The following TMTC2 variants were observed in gnomAD, a reference collection of about 807,000 sequenced individuals.
TMTC2 encodes the protein protein O-mannosyl-transferase TMTC2.
Under a neutral mutation model 82.4 loss-of-function variants are expected in TMTC2, and 43 were observed. The ratio of observed to expected loss-of-function variants is 0.52; its 90% CI spans 0.41 to 0.67. The LOEUF (loss-of-function observed/expected upper bound fraction) is 0.67. Ranked by LOEUF, TMTC2 falls within the 30% of genes least tolerant of loss-of-function variation. The pLI is 0.00. For missense variants in TMTC2, 919 were observed against 1,012.4 expected (o/e 0.91, Z 1.25); for synonymous variants, 408 against 381.9 (o/e 1.07, Z -0.80).
intron 4 of TMTC2, among the ~76,000 whole-genome samples, chr12:82,937,921 TA>T (rs1331214140): frequency 0.025 from 478 of 19,220 alleles, 11 homozygotes; most frequent in African/African-American, 0.04. Context: ...TTTTTTTTTT[TA>T]TTTTTTTTTT....
chr12:83,016,554 G>A (rs1251785020), intron 8 of TMTC2, among the ~76,000 whole-genome samples: 3 of 152,166 alleles, frequency 2.0e-5, no homozygotes, highest in Non-Finnish European at 4.4e-5. Context: ...GTAAGAGTAG[G>A]AATTACCCCA....
chr12:82,822,324 C>A (rs1328415334), intron 1 of TMTC2, among the ~76,000 whole-genome samples: 1 of 152,052 alleles, frequency 6.6e-6, no homozygotes, highest in East Asian at 1.9e-4. Flanking sequence ...TGTGTGACTT[C>A]AGGTTCATCA....
At chr12:82,745,949 G>C (rs1875668844) in intron 1 of TMTC2, among the ~76,000 whole-genome samples, 1 of 152,274 alleles carries the variant, frequency 6.6e-6, no homozygotes, top group South Asian at 2.1e-4. Flanking sequence ...CTTTTATCCT[G>C]CTTTTTACGT....
chr12:82,929,165 T>C (rs1431479870), intron 3 of TMTC2, among the ~76,000 whole-genome samples: 1 of 152,002 alleles, frequency 6.6e-6, no homozygotes, highest in Non-Finnish European at 1.5e-5. Context: ...GCCTCGACTC[T>C]ATGGGCTCAA....
intron 4 of TMTC2, among the ~76,000 whole-genome samples, chr12:82,948,240 C>T (rs1015079981): frequency 7.9e-5 from 12 of 151,990 alleles, no homozygotes; most frequent in African/African-American, 2.7e-4. Context: ...TGGCAAATGC[C>T]GATAGTCCCA....
At chr12:82,944,461 G>T (rs895630270) in intron 4 of TMTC2, among the ~76,000 whole-genome samples, 8 of 150,552 alleles carry the variant, frequency 5.3e-5, no homozygotes, top group African/African-American at 2.0e-4. Flanking sequence ...GCGGGCACCA[G>T]TAGTCCCAGC....
chr12:82,976,210 T>G, intron 7 of TMTC2, among the ~76,000 whole-genome samples: 1 of 152,152 alleles, frequency 6.6e-6, no homozygotes, highest in East Asian at 1.9e-4. Flanking sequence ...TAAAGGAAAT[T>G]GATTAGCCCG....
At chr12:82,922,703 A>G (rs1019427238) in intron 3 of TMTC2, among the ~76,000 whole-genome samples, 26 of 152,134 alleles carry the variant, frequency 1.7e-4, no homozygotes, top group African/African-American at 6.3e-4. Context: ...TTTAATTGTA[A>G]TATACACTAT....
At chr12:82,742,935 G>A (rs1295940631) in intron 1 of TMTC2, among the ~76,000 whole-genome samples, 1 of 152,126 alleles carries the variant, frequency 6.6e-6, no homozygotes, top group Non-Finnish European at 1.5e-5. Flanking sequence ...CCACTCTAGT[G>A]CATCATGATT....
chr12:83,096,242 C>G (rs1411448327), intron 11 of TMTC2, among the ~76,000 whole-genome samples: 2 of 152,222 alleles, frequency 1.3e-5, no homozygotes, highest in Non-Finnish European at 2.9e-5. Flanking sequence ...AAATATGAAG[C>G]TACCAGTGAA....
rs1871320523 is a variant in TMTC2 at position 82,857,468 on chromosome 12, G to A, written c.542G>A (p.Cys181Tyr). Residue 181 changes from cysteine (C) to tyrosine (Y), a missense_variant, in exon 2 of 12, where the codon TGC (cysteine) becomes TAC (tyrosine). By Grantham distance (194) the Cys-to-Tyr change is radical (BLOSUM62 -2). Coordinates refer to ENST00000321196, the MANE Select transcript of TMTC2 (RefSeq NM_152588.3). ...CTGGGGTCAGGACTGTGCGCAGGATGCAGCATGTTGTGGAAGGAACAAGGA... is the reference window on the plus strand; with the variant it reads ...CTGGGGTCAGGACTGTGCGCAGGATACAGCATGTTGTGGAAGGAACAAGGA... ...WFLGSGLCAG[C>Y]SMLWKEQGVT... 1 of 1,614,190 alleles carries A rather than the reference G, an allele frequency of 6.2e-7. No individual in the cohort carries two copies. The highest frequency in any genetic ancestry group is 1.6e-4 in the Middle Eastern group (1 of 6,062).
chr12:82,847,358 A>T (rs1346876929), intron 1 of TMTC2, among the ~76,000 whole-genome samples: 1 of 152,130 alleles, frequency 6.6e-6, no homozygotes, highest in Non-Finnish European at 1.5e-5. Context: ...AACAATCTAG[A>T]ATTTTCCAAA....
chr12:82,831,137 A>G (rs1869724593), intron 1 of TMTC2, among the ~76,000 whole-genome samples: 1 of 152,240 alleles, frequency 6.6e-6, no homozygotes, highest in Admixed American at 6.5e-5. Context: ...AACCCAGGAT[A>G]TTGCCATTGC....
chr12:82,825,448 A>G (rs545032367), intron 1 of TMTC2, among the ~76,000 whole-genome samples: 2 of 152,318 alleles, frequency 1.3e-5, no homozygotes, highest in South Asian at 4.1e-4. Context: ...CAGGGGAACA[A>G]TGAGGCTGTT....
At chr12:82,854,312 T>A (rs562736690) in intron 1 of TMTC2, among the ~76,000 whole-genome samples, 5 of 152,280 alleles carry the variant, frequency 3.3e-5, no homozygotes, top group African/African-American at 1.2e-4. Context: ...TAGCCCAGGG[T>A]CACTATGGTC....
At chr12:82,964,574 T>G (rs3993374) in intron 4 of TMTC2, among the ~76,000 whole-genome samples, 94,799 of 151,976 alleles carry the variant, frequency 0.62, 31,189 homozygotes, top group South Asian at 0.81. Flanking sequence ...CTTTTGCCTT[T>G]CAGGCAGCCA....
intron 3 of TMTC2, among the ~76,000 whole-genome samples, chr12:82,921,192 T>C (rs1161680016): frequency 6.6e-6 from 1 of 152,162 alleles, no homozygotes; most frequent in African/African-American, 2.4e-5. Context: ...ACATATTAAG[T>C]ACCATCTTAT....
intron 1 of TMTC2, chr12:82,760,466 G>GTTTTTTTT (rs11401470): frequency 9.3e-6 from 1 of 108,002 alleles, no homozygotes; most frequent in Non-Finnish European, 1.8e-5. Context: ...TGTGCCCAGG[G>GTTTTTTTT]TTTTTTTTTT....
At chr12:82,893,462 A>G (rs1873503644) in intron 2 of TMTC2, among the ~76,000 whole-genome samples, 1 of 152,172 alleles carries the variant, frequency 6.6e-6, no homozygotes, top group Non-Finnish European at 1.5e-5. Context: ...AAAATTCCAT[A>G]CAGCATTATG....
Sources: allele counts gnomAD v4.1 joint callset (sites outside exome capture counted in the v4.1 genomes callset), GRCh38; gene constraint gnomAD v4.1.1; transcripts MANE v1.5; gene names NCBI Gene and HGNC (gene_info 2026-07-23, HGNC 2026-07-21).